The following SV2C variants were observed in gnomAD, a reference collection of about 807,000 sequenced individuals.
SV2C encodes the protein solute carrier family 22 member B3.
In SV2C, 49 loss-of-function variants were observed where a neutral mutation model predicts 79.7. The ratio of observed to expected loss-of-function variants is 0.61; its 90% confidence interval spans 0.49 to 0.78. SV2C has a LOEUF of 0.78. SV2C is among the 30% of genes least tolerant of loss of function. The pLI is 0.00. For missense variants in SV2C, 833 were observed against 912.9 expected (o/e 0.91, Z 1.13); for synonymous variants, 334 against 333.2 (o/e 1.00, Z -0.03).
intron 1 of SV2C, among the ~76,000 whole-genome samples, chr5:76,100,902 T>C (rs2910449): frequency 0.27 from 41,292 of 152,138 alleles, 5,724 homozygotes; most frequent in South Asian, 0.43. Flanking sequence ...CAGTAGCATT[T>C]TCCCCTGCAT....
chr5:75,921,120 C>G, the SV2C span: 1 of 837,202 alleles, frequency 1.2e-6, no homozygotes, highest in East Asian at 2.4e-5. Flanking sequence ...ACGGAGTTGG[C>G]CTTGCTGTTT....
chr5:76,237,996 A>G (rs911554009), intron 4 of SV2C, among the ~76,000 whole-genome samples: 26 of 120,936 alleles, frequency 2.1e-4, no homozygotes, highest in Non-Finnish European at 3.0e-4. Context: ...ACACACATAC[A>G]TACATACATA....
chr5:76,300,873 T>C lies in SV2C; in HGVS notation c.1781T>C (p.Leu594Ser). ...AACTTTCTGGGGACATTGGCAGTAT[T>C]GCCAGGGAACATTGTGTCTGCTCTG... ...FVNFLGTLAV[L>S]PGNIVSALLM... is the part of the protein sequence containing the mutation. The change falls in exon 11 of 13, where the codon TTG becomes TCG. Residue 594 changes from leucine to serine, a missense_variant. Physicochemically the swap from Leu to Ser is moderately radical, Grantham distance 145. Coordinates refer to ENST00000502798, the MANE Select transcript of SV2C (RefSeq NM_014979.4). 1 of 1,614,200 alleles carries C rather than the reference T, an allele frequency of 6.2e-7. No individual in the cohort carries two copies. Among genetic ancestry groups the C allele is most frequent in the Non-Finnish European group, 8.5e-7 (1 of 1,180,008 alleles).
At chr5:76,063,495 C>T in the SV2C span, among the ~76,000 whole-genome samples, 3 of 152,208 alleles carry the variant, frequency 2.0e-5, no homozygotes, top group Non-Finnish European at 2.9e-5. Flanking sequence ...GGCCTTCCAT[C>T]GGTGGTAGAA....
the SV2C span, among the ~76,000 whole-genome samples, chr5:75,998,356 A>C: frequency 1.5e-4 from 22 of 149,704 alleles, 1 homozygote; most frequent in Admixed American, 1.5e-3. Context: ...ATAAAAAAAA[A>C]GTCCCATGGG....
chr5:75,973,122 A>G, the SV2C span, among the ~76,000 whole-genome samples: 5 of 152,040 alleles, frequency 3.3e-5, no homozygotes, highest in Non-Finnish European at 7.3e-5. Context: ...TGAGAATTGA[A>G]CAATGAGAAC....
the SV2C span, among the ~76,000 whole-genome samples, chr5:76,026,339 C>A: frequency 6.6e-6 from 1 of 152,096 alleles, no homozygotes; most frequent in Non-Finnish European, 1.5e-5. Flanking sequence ...TTTTATTCAA[C>A]TTTCAGCCAA....
intron 2 of SV2C, among the ~76,000 whole-genome samples, chr5:76,169,894 C>T (rs1460711742): frequency 1.3e-5 from 2 of 152,010 alleles, no homozygotes; most frequent in Non-Finnish European, 2.9e-5. Context: ...AAAGTGGTTT[C>T]CCCAAAGAAG....
the SV2C span, among the ~76,000 whole-genome samples, chr5:75,874,197 T>G: frequency 1.3e-5 from 2 of 152,270 alleles, no homozygotes; most frequent in South Asian, 4.1e-4. Context: ...ATCAAAAAGC[T>G]AATTCACTAT....
intron 4 of SV2C, among the ~76,000 whole-genome samples, chr5:76,267,476 TG>T (rs1043187005): frequency 6.6e-6 from 1 of 152,202 alleles, no homozygotes; most frequent in African/African-American, 2.4e-5. Context: ...TTTTTAACTG[TG>T]GAGGGTATAT....
chr5:76,125,226 A>G (rs1480558797), intron 1 of SV2C, among the ~76,000 whole-genome samples: 1 of 152,212 alleles, frequency 6.6e-6, no homozygotes, highest in African/African-American at 2.4e-5. Context: ...CTATTTTTAT[A>G]GCAAGTCTGT....
the SV2C span, among the ~76,000 whole-genome samples, chr5:76,042,897 A>T: frequency 6.6e-5 from 10 of 152,204 alleles, no homozygotes; most frequent in African/African-American, 2.4e-4. Flanking sequence ...CATACTCTAT[A>T]GCAATGTGAC....
chr5:76,229,664 G>A (rs1447348358), intron 4 of SV2C, among the ~76,000 whole-genome samples: 1 of 152,262 alleles, frequency 6.6e-6, no homozygotes, highest in Non-Finnish European at 1.5e-5. Flanking sequence ...GCACCCAGCA[G>A]AGGAGAGAGA....
At chr5:76,072,092 GTTTTT>G in the SV2C span, among the ~76,000 whole-genome samples, 3 of 152,022 alleles carry the variant, frequency 2.0e-5, no homozygotes, top group East Asian at 5.8e-4. Flanking sequence ...ATGTTTGTTT[GTTTTT>G]TTAACTAAAT....
the SV2C span, among the ~76,000 whole-genome samples, chr5:75,885,177 C>T: frequency 1.3e-5 from 2 of 152,102 alleles, no homozygotes; most frequent in African/African-American, 2.4e-5. Flanking sequence ...TTGTCACCCT[C>T]CCATCCCCAA....
intron 2 of SV2C, among the ~76,000 whole-genome samples, chr5:76,147,571 A>T (rs1181885219): frequency 6.6e-6 from 1 of 152,172 alleles, no homozygotes; most frequent in Non-Finnish European, 1.5e-5. Context: ...ATTCCTGTTG[A>T]GCTTCCTGGG....
the SV2C span, among the ~76,000 whole-genome samples, chr5:75,928,829 C>A: frequency 6.6e-6 from 1 of 152,138 alleles, no homozygotes; most frequent in South Asian, 2.1e-4. Context: ...CTCACCTTAC[C>A]AACTTCTATC....
At chr5:75,921,363 G>C in the SV2C span, 48 of 963,526 alleles carry the variant, frequency 5.0e-5, 1 homozygote, top group Non-Finnish European at 6.3e-5. Flanking sequence ...CTGTCCTTTG[G>C]GGGGTGCTGG....
intron 2 of SV2C, among the ~76,000 whole-genome samples, chr5:76,189,367 C>G (rs1348695324): frequency 6.6e-6 from 1 of 152,032 alleles, no homozygotes; most frequent in African/African-American, 2.4e-5. Flanking sequence ...AAGAGGATAT[C>G]ATTTTCAGTG....
Sources: allele counts gnomAD v4.1 joint callset (sites outside exome capture counted in the v4.1 genomes callset), GRCh38; gene constraint gnomAD v4.1.1; transcripts MANE v1.5; gene names NCBI Gene and HGNC (gene_info 2026-07-23, HGNC 2026-07-21).